The following CACNA1B variants were observed in gnomAD, a reference collection of about 807,000 sequenced individuals.
CACNA1B encodes the protein voltage-dependent N-type calcium channel subunit alpha-1B.
A neutral mutation model predicts 247.2 loss-of-function variants in CACNA1B; 70 were observed. The observed-to-expected ratio is 0.28, with a 90% CI of 0.23 to 0.35. CACNA1B has a LOEUF of 0.35. Among genes scored for constraint, CACNA1B ranks in the 10% least tolerant of loss-of-function variants. The pLI, the probability that CACNA1B is intolerant of heterozygous loss-of-function variation, is 1.00. For synonymous variants in CACNA1B, 1,231 were observed against 1,294.4 expected (o/e 0.95, Z 1.05); for missense variants, 2,367 against 3,197.4 (o/e 0.74, Z 6.26).
At chr9:137,927,108 A>G (rs1399092406) in intron 6 of CACNA1B, among the ~76,000 whole-genome samples, 2 of 152,170 alleles carry the variant, frequency 1.3e-5, no homozygotes, top group African/African-American at 2.4e-5. Flanking sequence ...GTCGCTGTCA[A>G]ATCTAATATT....
intron 3 of CACNA1B, among the ~76,000 whole-genome samples, chr9:137,897,905 A>G (rs1957190372): frequency 6.6e-6 from 1 of 151,900 alleles, no homozygotes; most frequent in Non-Finnish European, 1.5e-5. Context: ...CCACATTTTT[A>G]CTCTTTCCAT....
chr9:138,044,732 T>A (rs1959169255), intron 21 of CACNA1B, among the ~76,000 whole-genome samples: 1 of 152,230 alleles, frequency 6.6e-6, no homozygotes, highest in African/African-American at 2.4e-5. Flanking sequence ...CAAGGCTGCA[T>A]GGACGTACCC....
At chr9:138,084,485 A>G (rs1281053521) in intron 36 of CACNA1B, among the ~76,000 whole-genome samples, 3 of 151,320 alleles carry the variant, frequency 2.0e-5, no homozygotes, top group Admixed American at 6.6e-5. Context: ...ATTACTGCTA[A>G]TGTTGAATGC....
intron 23 of CACNA1B, 144 bp from the exon 24 acceptor site, chr9:138,049,065 G>T: frequency 1.5e-6 from 1 of 659,346 alleles, no homozygotes; most frequent in Admixed American, 2.4e-5. Context: ...ATGTTGCCCT[G>T]GCTGGTGTCC....
rs145816559 is a variant in CACNA1B, at chr9:138,023,718, TGGAGAAGGAGACCAC to T, written c.2986_3000del (p.Thr996_Glu1000del). 0.2 allele frequency: 308,406 copies of T among 1,542,798 alleles called. 42,233 individuals are homozygous for T. Among genetic ancestry groups the T allele is most frequent in the East Asian group, 0.64 (26,014 of 40,356 alleles). On this transcript the variant is annotated inframe_deletion, in exon 19 of 47. Transcript: ENST00000371372. ...AAGGCGCAGCCTGCTCACGAGGCTG[TGGAGAAGGAGACCAC>T]GGAGAAGGAGGCCACGGAGAAGGAG...
chr9:137,915,338 T>C (rs998153159), intron 5 of CACNA1B, among the ~76,000 whole-genome samples: 1 of 152,168 alleles, frequency 6.6e-6, no homozygotes, highest in African/African-American at 2.4e-5. Flanking sequence ...GGGAGTTGAG[T>C]AGAAGATCTC....
intron 41 of CACNA1B, 75 bp from the exon 42 acceptor site, chr9:138,115,477 A>G (rs879494272): frequency 1.8e-5 from 27 of 1,488,142 alleles, no homozygotes; most frequent in Non-Finnish European, 2.3e-5. Context: ...CCCATGCCAC[A>G]TGGTCAGAGC....
At chr9:138,017,588 T>C (rs1958809056) in intron 18 of CACNA1B, among the ~76,000 whole-genome samples, 1 of 152,222 alleles carries the variant, frequency 6.6e-6, no homozygotes, top group Non-Finnish European at 1.5e-5. Flanking sequence ...GAGAGTGCTC[T>C]TTAGGGGCTC....
In CACNA1B at chr9:138,058,996, C is replaced by T. The variant is rs1012056509; in HGVS notation, c.4474-83C>T. On this transcript the variant is annotated intron_variant, in intron 29 of 46. Transcript: ENST00000371372. The surrounding 1 kb of genome is among the most constrained non-coding windows in gnomAD (Gnocchi z 4.7). The stretch of plus-strand genomic sequence containing the variant: ...AGGCAGGCATCGAGTTCTGTCTGCC[C>T]GCTTTGCTTGGTCATAGTGGTCCCA... 81 of 845,666 alleles carry T rather than the reference C, an allele frequency of 9.6e-5. No homozygotes were observed. Among genetic ancestry groups the T allele is most frequent in the Non-Finnish European group, 1.3e-4 (67 of 505,438 alleles). 52.4% of individuals were successfully genotyped at this position (845,666 alleles called of 1,614,324 possible). A position where few individuals can be genotyped will look rare whatever the true frequency, so the allele number is the denominator to read the frequency against.
chr9:138,098,107 G>A (rs982697077), intron 37 of CACNA1B, among the ~76,000 whole-genome samples: 5 of 152,170 alleles, frequency 3.3e-5, no homozygotes, highest in Admixed American at 1.3e-4. Context: ...CAGTTTTTAC[G>A]CAGTGCAAAA....
rs1044751075 is a variant in CACNA1B, at chr9:137,881,637, C to A, written c.391-1107C>A. Among the ~76,000 whole-genome samples, 1 of 152,234 alleles carries A rather than the reference C, an allele frequency of 6.6e-6. No homozygotes were observed. The highest frequency in any genetic ancestry group is 1.5e-5 in the Non-Finnish European group (1 of 68,030). ...CCATGCCAACCCTGCACATGCAGCT[C>A]CCTCAGCCCAGCTTCCCGGGCTTGC... On this transcript the variant is annotated intron_variant, in intron 2 of 46. Coordinates refer to ENST00000371372, the MANE Select transcript of CACNA1B (RefSeq NM_000718.4). The surrounding 1 kb of genome is among the most constrained non-coding windows in gnomAD (Gnocchi z 4.3).
chr9:137,960,748 G>C (rs1043258053), intron 10 of CACNA1B, among the ~76,000 whole-genome samples: 6 of 152,014 alleles, frequency 3.9e-5, no homozygotes, highest in African/African-American at 1.5e-4. Flanking sequence ...CTTCCAACCG[G>C]GACCCCAGGC....
chr9:138,076,021 C>T, intron 35 of CACNA1B, 111 bp downstream of exon 35: 1 of 709,810 alleles, frequency 1.4e-6, no homozygotes. Flanking sequence ...TTCTAATTCC[C>T]CGACCCCACT....
chr9:138,079,021 C>T lies in CACNA1B; in HGVS notation c.5094+763C>T, dbSNP rs548867936. Among the ~76,000 whole-genome samples the T allele has an allele frequency of 3.5e-4, 53 of 152,210 alleles. 1 individual carries two copies. Among genetic ancestry groups the T allele is most frequent in the Non-Finnish European group, 1.9e-4 (13 of 68,006 alleles). On this transcript the variant is annotated intron_variant, in intron 36 of 46. Transcript: ENST00000371372. ...TCTGGGCTGGATGGAAACGAGTTGT[C>T]GTTAGTGTTCGGTGTGTTCGTGGGG...
At chr9:138,075,096 G>A (rs970777733) in intron 34 of CACNA1B, among the ~76,000 whole-genome samples, 6 of 152,192 alleles carry the variant, frequency 3.9e-5, no homozygotes, top group Admixed American at 2.0e-4. Flanking sequence ...GACGGAAGAG[G>A]GACCCGAGTG....
At chr9:138,005,782 G>T (rs1028413671) in intron 15 of CACNA1B, among the ~76,000 whole-genome samples, 5 of 152,142 alleles carry the variant, frequency 3.3e-5, no homozygotes, top group African/African-American at 1.2e-4. Context: ...GGCGGCTCAC[G>T]CCTGTAATCC....
chr9:137,891,222 A>G lies in CACNA1B; in HGVS notation c.530+8339A>G, dbSNP rs1320961335. 6.6e-6 allele frequency: 1 copy of G among 152,290 alleles called. No homozygotes were observed. Among genetic ancestry groups the G allele is most frequent in the Non-Finnish European group, 1.5e-5 (1 of 68,080 alleles). 9.4% of individuals were successfully genotyped at this position (152,290 alleles called of 1,614,324 possible). A position where few individuals can be genotyped will look rare whatever the true frequency, so the allele number is the denominator to read the frequency against. Reference sequence around the variant, plus strand: ...AGTATTTAAGAAGGAACTTTCACGCAAAAACCTGTGTTTTCATCTTGCTTG... The same window carrying G: ...AGTATTTAAGAAGGAACTTTCACGCGAAAACCTGTGTTTTCATCTTGCTTG... On this transcript the variant is annotated intron_variant, in intron 3 of 46. Transcript: ENST00000371372. This position sits in a 1 kb window ranked among gnomAD's most constrained non-coding sequence, Gnocchi z 4.3.
Position 137,914,622 on chromosome 9 carries a change from T to A in CACNA1B, c.623-32T>A. The A allele has an allele frequency of 6.2e-7, 1 of 1,606,300 alleles. No homozygotes were observed. The highest frequency in any genetic ancestry group is 8.5e-7 in the Non-Finnish European group (1 of 1,174,746). On this transcript the variant is annotated intron_variant, in intron 4 of 46. Transcript: ENST00000371372. The surrounding 1 kb of genome is among the most constrained non-coding windows in gnomAD (Gnocchi z 4.3). The stretch of plus-strand genomic sequence containing the variant: ...AATTCCTTGCCCTACCCTGCCCACG[T>A]TGCTTCCTGACCTGCCCTGTTCTGG...
At chr9:137,923,177 G>A (rs532912342) in intron 6 of CACNA1B, among the ~76,000 whole-genome samples, 59 of 151,160 alleles carry the variant, frequency 3.9e-4, no homozygotes, top group African/African-American at 1.4e-3. Flanking sequence ...GTAGTATTCC[G>A]TGGTGCCAGG....
Sources: allele counts gnomAD v4.1 joint callset (sites outside exome capture counted in the v4.1 genomes callset), GRCh38; gene constraint gnomAD v4.1.1; non-coding constraint Gnocchi (gnomAD v3.1); transcripts MANE v1.5; gene names NCBI Gene and HGNC (gene_info 2026-07-23, HGNC 2026-07-21).